The following RALYL variants were observed in gnomAD, a reference collection of about 807,000 sequenced individuals.
RALYL encodes the protein RALY RNA binding protein like.
Under a neutral mutation model 35.1 loss-of-function variants are expected in RALYL, and 29 were observed. The ratio of observed to expected loss-of-function variants is 0.83; its 90% CI spans 0.61 to 1.13. The LOEUF (loss-of-function observed/expected upper bound fraction) is 1.13. RALYL is among the 50% of genes most tolerant of loss of function. The probability of loss-of-function intolerance (pLI) is 0.00; values close to 1 mark genes in which losing one functional copy is unlikely to be tolerated. For synonymous variants in RALYL, 120 were observed against 127.6 expected (o/e 0.94, Z 0.40); for missense variants, 359 against 360.4 (o/e 1.00, Z 0.03).
At chr8:84,311,743 G>A (rs900786943) in intron 1 of RALYL, among the ~76,000 whole-genome samples, 1 of 152,138 alleles carries the variant, frequency 6.6e-6, no homozygotes, top group Admixed American at 6.5e-5. Flanking sequence ...ATGAAGGGAA[G>A]CTAGCCATGC....
intron 2 of RALYL, among the ~76,000 whole-genome samples, chr8:84,671,464 G>C (rs981714314): frequency 6.6e-6 from 1 of 152,228 alleles, no homozygotes; most frequent in Non-Finnish European, 1.5e-5. Flanking sequence ...TGCCCTGTCA[G>C]AGGTTCTCAA....
chr8:84,650,872 C>G (rs982620320), intron 2 of RALYL, among the ~76,000 whole-genome samples: 8 of 152,054 alleles, frequency 5.3e-5, no homozygotes, highest in Admixed American at 2.6e-4. Flanking sequence ...CACATATACA[C>G]CATGGAATAC....
At chr8:84,686,202 T>C (rs1836747389) in intron 2 of RALYL, among the ~76,000 whole-genome samples, 1 of 152,134 alleles carries the variant, frequency 6.6e-6, no homozygotes, top group Non-Finnish European at 1.5e-5. Flanking sequence ...AATTGTGCCA[T>C]GAACAGTTGG....
chr8:84,899,126 T>C (rs1587070312), intron 8 of RALYL, among the ~76,000 whole-genome samples: 2 of 152,182 alleles, frequency 1.3e-5, no homozygotes, highest in African/African-American at 4.8e-5. Context: ...CTGCCTGGAA[T>C]AACCCATTCT....
At chr8:84,567,883 T>A (rs535328700) in intron 2 of RALYL, among the ~76,000 whole-genome samples, 2 of 151,808 alleles carry the variant, frequency 1.3e-5, no homozygotes, top group South Asian at 4.1e-4. Context: ...TTTGTTGACT[T>A]TTTAATGGTA....
At chr8:84,546,415 C>T (rs751014995) in intron 2 of RALYL, among the ~76,000 whole-genome samples, 16 of 152,118 alleles carry the variant, frequency 1.1e-4, no homozygotes, top group Admixed American at 5.2e-4. Flanking sequence ...GCCACCACGC[C>T]GAGCCAAGAG....
chr8:84,295,455 A>G (rs1280760570), intron 1 of RALYL, among the ~76,000 whole-genome samples: 1 of 152,066 alleles, frequency 6.6e-6, no homozygotes, highest in Non-Finnish European at 1.5e-5. Context: ...GTTTTATTTT[A>G]TTTAATTATT....
intron 1 of RALYL, among the ~76,000 whole-genome samples, chr8:84,523,783 G>A (rs954859692): frequency 4.0e-5 from 6 of 150,706 alleles, no homozygotes; most frequent in African/African-American, 1.5e-4. Context: ...TTTTGTTCTT[G>A]CGATAGTTTA....
Position 84,422,854 on chromosome 8 carries a change from C to T in RALYL, c.-23-106445C>T, listed in dbSNP as rs1475200825. On this transcript the variant is annotated intron_variant, in intron 1 of 8. Coordinates refer to ENST00000521268, the MANE Select transcript of RALYL (RefSeq NM_173848.7). ...GTTGTTCAGTTTCCATGTAGTTGAG[C>T]GGCTTTGAGTGGGATTCTTAATCCT... 3.2e-3 allele frequency among the ~76,000 whole-genome samples: 480 copies of T among 149,166 alleles called. 2 individuals are homozygous for T. The highest frequency in any genetic ancestry group is 0.011 in the African/African-American group (431 of 40,386).
At chr8:84,699,834 G>C (rs185004432) in intron 2 of RALYL, among the ~76,000 whole-genome samples, 1 of 152,186 alleles carries the variant, frequency 6.6e-6, no homozygotes, top group East Asian at 1.9e-4. Flanking sequence ...TTAGGTTCAG[G>C]ATTATTTTAC....
intron 5 of RALYL, 70 bp from the exon 6 acceptor site, chr8:84,862,226 A>G: frequency 7.7e-7 from 1 of 1,293,960 alleles, no homozygotes; most frequent in Non-Finnish European, 1.0e-6. Context: ...CATTCTGTTC[A>G]ACATTTCACA....
In RALYL at chr8:84,838,428, C is replaced by T. The variant is rs141203621; in HGVS notation, c.366-11552C>T. 1.6e-3 allele frequency among the ~76,000 whole-genome samples: 237 copies of T among 152,274 alleles called. 1 individual carries two copies. Among genetic ancestry groups the T allele is most frequent in the African/African-American group, 5.4e-3 (225 of 41,560 alleles). ...TCTTTGGATCTCTTTGAATCTCTTT[C>T]TCTTTCTTGGAAATCCACCTTGATT... On this transcript the variant is annotated intron_variant, in intron 4 of 8. Coordinates refer to ENST00000521268, the MANE Select transcript of RALYL (RefSeq NM_173848.7).
intron 1 of RALYL, among the ~76,000 whole-genome samples, chr8:84,199,517 A>AT (rs1296210030): frequency 1.3e-5 from 2 of 151,892 alleles, no homozygotes; most frequent in African/African-American, 4.8e-5. Context: ...CCATTTGTCC[A>AT]TTTTTGCTTT....
intron 1 of RALYL, among the ~76,000 whole-genome samples, chr8:84,231,282 ACACGG>A (rs140621325): frequency 0.01 from 1,589 of 152,318 alleles, 30 homozygotes; most frequent in African/African-American, 0.036. Context: ...AAGAACCATG[ACACGG>A]CATGGGGAAA....
rs368329407 is a variant in RALYL at position 84,395,152 on chromosome 8, G to A, written c.-23-134147G>A. 9.2e-5 allele frequency among the ~76,000 whole-genome samples: 14 copies of A among 151,702 alleles called. No homozygotes were observed. The East Asian group carries it at 2.1e-3, about 23-fold the overall frequency. On this transcript the variant is annotated intron_variant, in intron 1 of 8. Transcript: ENST00000521268. ...TCATAAGATCACTTTTTTTCTGTTG[G>A]AATATTAGTATTTTATTAAATGATT...
chr8:84,463,904 T>A (rs1043800344), intron 1 of RALYL, among the ~76,000 whole-genome samples: 2 of 152,024 alleles, frequency 1.3e-5, no homozygotes, highest in Non-Finnish European at 2.9e-5. Flanking sequence ...TCTTTGTTTT[T>A]TATGCCTGGC....
chr8:84,867,048 A>G (rs1455866599), intron 6 of RALYL, among the ~76,000 whole-genome samples: 1 of 152,210 alleles, frequency 6.6e-6, no homozygotes, highest in African/African-American at 2.4e-5. Flanking sequence ...AAAGTTGGAG[A>G]TCAAAGTGTC....
intron 1 of RALYL, among the ~76,000 whole-genome samples, chr8:84,513,830 T>C (rs988847721): frequency 6.6e-6 from 1 of 151,992 alleles, no homozygotes; most frequent in African/African-American, 2.4e-5. Flanking sequence ...GTGCAGTGGC[T>C]CATGCCTGTA....
At chr8:84,470,365 T>A (rs778571640) in intron 1 of RALYL, among the ~76,000 whole-genome samples, 1 of 152,138 alleles carries the variant, frequency 6.6e-6, no homozygotes, top group Non-Finnish European at 1.5e-5. Context: ...AAAATATAAC[T>A]TTGTAATGTT....
Sources: allele counts gnomAD v4.1 joint callset (sites outside exome capture counted in the v4.1 genomes callset), GRCh38; gene constraint gnomAD v4.1.1; transcripts MANE v1.5; gene names NCBI Gene and HGNC (gene_info 2026-07-23, HGNC 2026-07-21).